DISC1: variants seen among roughly 807,000 people sequenced by gnomAD.
DISC1 encodes the protein DISC1 scaffold protein, also known as disrupted in schizophrenia 1 protein.
Under a neutral mutation model 84.5 loss-of-function variants are expected in DISC1, and 57 were observed. The observed-to-expected ratio is 0.67, with a 90% confidence interval of 0.55 to 0.84. The LOEUF is 0.84. Among genes scored for constraint, DISC1 ranks in the 40% least tolerant of loss-of-function variants. The pLI is 0.00. For synonymous variants in DISC1, 411 were observed against 415.2 expected, an observed-to-expected ratio of 0.99 and a Z score of 0.12; for missense variants, 1,000 against 1,057.8, an observed-to-expected ratio of 0.95 and a Z score of 0.76.
chr1:232,006,884 G>A (rs1408031265), intron 10 of DISC1, among the ~76,000 whole-genome samples: 1 of 152,154 alleles, frequency 6.6e-6, no homozygotes, highest in Non-Finnish European at 1.5e-5. Flanking sequence ...TGTAGGCTGT[G>A]CCCAGGGCCT....
chr1:231,926,584 C>T (rs2090370590), intron 9 of DISC1, among the ~76,000 whole-genome samples: 1 of 152,178 alleles, frequency 6.6e-6, no homozygotes, highest in Non-Finnish European at 1.5e-5. Context: ...CCCAGGCTGT[C>T]ATATCTGTAC....
chr1:231,646,224 A>G (rs958584541), intron 1 of DISC1, among the ~76,000 whole-genome samples: 3 of 151,776 alleles, frequency 2.0e-5, no homozygotes, highest in African/African-American at 7.3e-5. Context: ...TCATTGTTCA[A>G]TTCCCACCTA....
At chr1:231,632,157 T>C (rs976929162) in intron 1 of DISC1, among the ~76,000 whole-genome samples, 1 of 152,224 alleles carries the variant, frequency 6.6e-6, no homozygotes, top group Admixed American at 6.5e-5. Context: ...CTTAGGTGTG[T>C]CATAGCCTAT....
At chr1:231,917,466 A>G (rs2089718754) in intron 9 of DISC1, among the ~76,000 whole-genome samples, 1 of 152,240 alleles carries the variant, frequency 6.6e-6, no homozygotes, top group African/African-American at 2.4e-5. Context: ...TGCTTTATGT[A>G]GTATCAATGG....
chr1:231,745,472 T>C, intron 3 of DISC1: 1 of 230,810 alleles, frequency 4.3e-6, no homozygotes, highest in Non-Finnish European at 9.5e-6. Flanking sequence ...TCCACCTGCT[T>C]CGGCCTCCCA....
chr1:231,877,796 A>G (rs1265390915), intron 9 of DISC1, among the ~76,000 whole-genome samples: 1 of 152,240 alleles, frequency 6.6e-6, no homozygotes, highest in Non-Finnish European at 1.5e-5. Context: ...AAAAAACACA[A>G]CTGAAGAATA....
At chr1:231,688,655 CT>C (rs60420237) in intron 1 of DISC1, among the ~76,000 whole-genome samples, 57,377 of 151,966 alleles carry the variant, frequency 0.38, 11,246 homozygotes, top group African/African-American at 0.48. Context: ...TTGAATTCTC[CT>C]TCCTCCATGA....
chr1:231,886,750 CCTTT>C (rs1466359005), intron 9 of DISC1, among the ~76,000 whole-genome samples: 32 of 144,730 alleles, frequency 2.2e-4, no homozygotes, highest in African/African-American at 5.2e-4. Context: ...TCTCTTTCTT[CCTTT>C]CTTCCTTCCT....
intron 11 of DISC1, among the ~76,000 whole-genome samples, chr1:232,010,688 C>T (rs1294567051): frequency 6.6e-6 from 1 of 152,104 alleles, no homozygotes; most frequent in African/African-American, 2.4e-5. Context: ...CCCAAAGCAA[C>T]AGAAACCAGT....
At chr1:231,866,640 C>A (rs1373516506) in intron 9 of DISC1, 5 of 1,573,780 alleles carry the variant, frequency 3.2e-6, no homozygotes, top group Non-Finnish European at 4.3e-6. Context: ...CAGCCCCCAG[C>A]GCTCAACTAC....
At chr1:231,833,793 A>C (rs181204800) in intron 9 of DISC1, among the ~76,000 whole-genome samples, 180 of 152,312 alleles carry the variant, frequency 1.2e-3, no homozygotes, top group African/African-American at 4.2e-3. Flanking sequence ...AAGGAATTGC[A>C]ACTCAGAAAT....
At chr1:231,953,446 T>G (rs1353728665) in intron 9 of DISC1, among the ~76,000 whole-genome samples, 3 of 152,224 alleles carry the variant, frequency 2.0e-5, no homozygotes, top group African/African-American at 7.2e-5. Context: ...CTGACTTTCC[T>G]GGGTCTTTTC....
intron 9 of DISC1, among the ~76,000 whole-genome samples, chr1:231,951,846 G>A (rs374471765): frequency 8.7e-4 from 132 of 152,026 alleles, no homozygotes; most frequent in Middle Eastern, 3.4e-3. Flanking sequence ...TGAGAGGACT[G>A]CTTGAGGCCA....
chr1:231,700,286 TTCC>T (rs1253434069), intron 2 of DISC1, among the ~76,000 whole-genome samples: 1 of 152,120 alleles, frequency 6.6e-6, no homozygotes. Context: ...ACAACCTCTC[TTCC>T]TCCTCCTCCT....
At chr1:231,700,045 T>C (rs1160972961) in intron 2 of DISC1, among the ~76,000 whole-genome samples, 2 of 152,354 alleles carry the variant, frequency 1.3e-5, no homozygotes, top group East Asian at 3.9e-4. Context: ...TTTAAATCTT[T>C]GTGTAAATGT....
intron 9 of DISC1, among the ~76,000 whole-genome samples, chr1:231,872,805 T>C (rs2085563434): frequency 6.6e-6 from 1 of 152,226 alleles, no homozygotes; most frequent in Non-Finnish European, 1.5e-5. Flanking sequence ...CCATACATGA[T>C]CTATTGTTGG....
At chr1:231,757,027 C>A (rs17748992) in intron 4 of DISC1, among the ~76,000 whole-genome samples, 1 of 152,100 alleles carries the variant, frequency 6.6e-6, no homozygotes, top group Admixed American at 6.6e-5. Flanking sequence ...TGGACAGAAA[C>A]CGCTCTCACA....
intron 9 of DISC1, among the ~76,000 whole-genome samples, chr1:231,911,894 A>G (rs1197878603): frequency 6.6e-6 from 1 of 151,822 alleles, no homozygotes; most frequent in African/African-American, 2.4e-5. Flanking sequence ...TTTCCTCTAA[A>G]CTTCTCTTAT....
At chr1:231,863,113 A>G (rs1002694672) in intron 9 of DISC1, among the ~76,000 whole-genome samples, 7 of 151,800 alleles carry the variant, frequency 4.6e-5, no homozygotes, top group Admixed American at 4.6e-4. Context: ...TCCAAGTTTC[A>G]GCACGTGCAT....
Sources: gnomAD v4.1 joint callset for allele counts (sites outside exome capture counted in the v4.1 genomes callset) on GRCh38, gnomAD v4.1.1 for gene constraint, MANE v1.5 for transcripts, NCBI Gene and HGNC (gene_info 2026-07-23, HGNC 2026-07-21) for gene names.